The following GPR176 variants were observed in gnomAD, a reference collection of about 807,000 sequenced individuals.
GPR176 encodes the protein G-protein coupled receptor 176.
A neutral mutation model predicts 35.4 loss-of-function variants in GPR176; 26 were observed. The ratio of observed to expected loss-of-function variants is 0.74; its 90% CI spans 0.54 to 1.02. The LOEUF is 1.02. Among genes scored for constraint, GPR176 ranks in the 50% least tolerant of loss-of-function variants. The pLI, the probability that GPR176 is intolerant of heterozygous loss-of-function variation, is 0.00. For synonymous variants in GPR176, 278 were observed against 271.3 expected, an observed-to-expected ratio of 1.02 and a Z score of -0.24; for missense variants, 597 against 665.3, an observed-to-expected ratio of 0.90 and a Z score of 1.13.
At chr15:39,874,206 T>C (rs1287952138) in intron 1 of GPR176, among the ~76,000 whole-genome samples, 1 of 152,188 alleles carries the variant, frequency 6.6e-6, no homozygotes, top group Non-Finnish European at 1.5e-5. Context: ...GGCATCTTTT[T>C]CCAAAATTGA....
chr15:39,919,945 G>A lies in GPR176; in HGVS notation c.82C>T (p.Arg28Cys). The change falls in exon 1 of 3, where the codon CGC becomes TGC. Residue 28 changes from arginine (R) to cysteine (C), a missense_variant. Coordinates refer to ENST00000561100, the MANE Select transcript of GPR176 (RefSeq NM_007223.3). ...ASGAEAAGVN[R>C]SALGEFGEAQ... is the part of the protein sequence containing the mutation. ...TCGCCGAACTCCCCGAGCGCGCTGC[G>A]GTTCACACCCGCAGCCTCGGCGCCG... is the stretch of plus-strand genomic sequence containing the variant. 2.7e-6 allele frequency: 4 copies of A among 1,508,094 alleles called. No individual in the cohort carries two copies. In the African/African-American group the frequency reaches 4.3e-5, roughly 16 times the overall value. The allele number at this position is 1,508,094 out of a possible 1,614,324, so 93.4% of individuals were successfully genotyped here.
At position 39,801,498 on chromosome 15, in the gene GPR176, G is replaced by A. The variant is rs528391782; in HGVS notation, c.1182C>T (p.Tyr394=). The A allele has an allele frequency of 1.2e-6, 2 of 1,614,158 alleles. No homozygotes were observed. Among genetic ancestry groups the A allele is most frequent in the African/African-American group, 1.3e-5 (1 of 75,052 alleles). ...TEDEEESEAK[Y]IGSADFQAKE... ...TGGCCTGGAAGTCAGCTGAGCCAAT[G>A]TACTTGGCCTCACTCTCTTCCTCAT... The change falls in exon 3 of 3, where the codon TAC becomes TAT. Residue 394 remains tyrosine, a synonymous_variant. Transcript: ENST00000561100.
chr15:39,810,136 T>C (rs1899454192), intron 1 of GPR176, among the ~76,000 whole-genome samples: 2 of 138,170 alleles, frequency 1.4e-5, no homozygotes, highest in Non-Finnish European at 3.1e-5. Context: ...TGAGACTCCG[T>C]CTCAAAAAAA....
rs530353462 is a variant in GPR176 at position 39,801,634 on chromosome 15, C to G, written c.1046G>C (p.Ser349Thr). The change falls in exon 3 of 3, where the codon AGT becomes ACT. Residue 349 changes from serine (S) to threonine (T), a missense_variant. Physicochemically the swap from Ser to Thr is moderately conservative, Grantham distance 58. Around this residue, in one of 3 missense-constraint regions of GPR176, gnomAD observed 251 missense variants for 255.4 expected, o/e 0.98. Coordinates refer to ENST00000561100, the MANE Select transcript of GPR176 (RefSeq NM_007223.3). Reference sequence around the variant, plus strand: ...GGCCTCAGCCATGCCACTCCCTGTACTGACCACATTACGGCGACTGTACCG... The same window carrying G: ...GGCCTCAGCCATGCCACTCCCTGTAGTGACCACATTACGGCGACTGTACCG... ...HHRYSRRNVV[S>T]TGSGMAEASL... The G allele has an allele frequency of 1.9e-6, 3 of 1,613,980 alleles. No individual in the cohort carries two copies. The African/African-American group carries it at 4.0e-5, about 22-fold the overall frequency.
At chr15:39,891,197 G>T (rs1002942759) in intron 1 of GPR176, among the ~76,000 whole-genome samples, 1 of 152,044 alleles carries the variant, frequency 6.6e-6, no homozygotes. Context: ...TTAGCAAATA[G>T]ACTAGAGCCT....
At chr15:39,902,040 T>C (rs958285974) in intron 1 of GPR176, among the ~76,000 whole-genome samples, 3 of 152,056 alleles carry the variant, frequency 2.0e-5, no homozygotes, top group Non-Finnish European at 4.4e-5. Context: ...GCCGAGATTG[T>C]GCCACTGCAC....
intron 1 of GPR176, among the ~76,000 whole-genome samples, chr15:39,827,200 G>C (rs1018421296): frequency 3.3e-5 from 5 of 152,214 alleles, no homozygotes; most frequent in Admixed American, 6.5e-5. Flanking sequence ...AGAAATGTAC[G>C]CACATGCAGT....
At chr15:39,822,721 T>C (rs1415066320) in intron 1 of GPR176, among the ~76,000 whole-genome samples, 1 of 152,234 alleles carries the variant, frequency 6.6e-6, no homozygotes, top group African/African-American at 2.4e-5. Context: ...CACCAAAACC[T>C]AAACAATTAA....
chr15:39,824,532 G>A (rs1352242596), intron 1 of GPR176, among the ~76,000 whole-genome samples: 2 of 152,198 alleles, frequency 1.3e-5, no homozygotes, highest in Admixed American at 6.5e-5. Context: ...TTATTATATT[G>A]AGGATTAGTC....
intron 1 of GPR176, among the ~76,000 whole-genome samples, chr15:39,845,775 G>A (rs539314409): frequency 6.6e-6 from 1 of 152,160 alleles, no homozygotes; most frequent in Non-Finnish European, 1.5e-5. Flanking sequence ...AACGAGCTTG[G>A]TGTTCTAGAA....
intron 1 of GPR176, among the ~76,000 whole-genome samples, chr15:39,857,312 C>T (rs966989395): frequency 6.6e-6 from 1 of 152,092 alleles, no homozygotes; most frequent in African/African-American, 2.4e-5. Flanking sequence ...TACAAACATA[C>T]ACAAATGACA....
At chr15:39,875,251 C>T (rs1290637300) in intron 1 of GPR176, among the ~76,000 whole-genome samples, 2 of 152,160 alleles carry the variant, frequency 1.3e-5, no homozygotes, top group East Asian at 3.8e-4. Flanking sequence ...ATGGGAGCCA[C>T]TATCTCGCTT....
At chr15:39,835,886 G>A (rs1161907082) in intron 1 of GPR176, among the ~76,000 whole-genome samples, 1 of 152,184 alleles carries the variant, frequency 6.6e-6, no homozygotes, top group African/African-American at 2.4e-5. Context: ...CTTGAGGCCA[G>A]GAGTTCGATA....
chr15:39,895,232 G>A (rs2033068860), intron 1 of GPR176, among the ~76,000 whole-genome samples: 2 of 142,554 alleles, frequency 1.4e-5, no homozygotes, highest in African/African-American at 5.2e-5. Context: ...GAGGGAGACC[G>A]TGGGGAGAGG....
chr15:39,853,002 A>G (rs1475216541), intron 1 of GPR176, among the ~76,000 whole-genome samples: 2 of 152,306 alleles, frequency 1.3e-5, no homozygotes, highest in Middle Eastern at 3.4e-3. Flanking sequence ...GGAAAACAGT[A>G]TGGAGGTTCC....
In GPR176 at chr15:39,801,068, G is replaced by A. The variant is rs989641246; in HGVS notation, c.*64C>T. 8.9e-6 allele frequency: 12 copies of A among 1,354,708 alleles called. No homozygotes were observed. In the African/African-American group the frequency reaches 1.6e-4, roughly 18 times the overall value. 83.9% of individuals were successfully genotyped at this position (1,354,708 alleles called of 1,614,324 possible). ...GAGATCATACAATCACATGGCCACA[G>A]CATTCCCACACTCTGGTGGGAATAT... On this transcript the variant is annotated 3_prime_UTR_variant, in exon 3 of 3. Coordinates refer to ENST00000561100, the MANE Select transcript of GPR176 (RefSeq NM_007223.3).
intron 2 of GPR176, among the ~76,000 whole-genome samples, chr15:39,805,268 C>T (rs1899118441): frequency 6.6e-6 from 1 of 152,152 alleles, no homozygotes; most frequent in South Asian, 2.1e-4. Flanking sequence ...ATATTCCAGT[C>T]CTGTGCAATG....
intron 1 of GPR176, among the ~76,000 whole-genome samples, chr15:39,886,224 A>C (rs2032669331): frequency 6.6e-6 from 1 of 151,912 alleles, no homozygotes; most frequent in African/African-American, 2.4e-5. Flanking sequence ...CAAGAGTGAA[A>C]TTCTGTCTCA....
intron 1 of GPR176, among the ~76,000 whole-genome samples, chr15:39,878,599 C>T (rs1165678857): frequency 6.6e-6 from 1 of 152,132 alleles, no homozygotes; most frequent in African/African-American, 2.4e-5. Context: ...ATGCAGTTAT[C>T]TCTTAGAGAT....
Sources: gnomAD v4.1 joint callset for allele counts (sites outside exome capture counted in the v4.1 genomes callset) on GRCh38, gnomAD v4.1.1 for gene constraint, gnomAD v4.1.1 regional missense constraint, MANE v1.5 for transcripts, NCBI Gene and HGNC (gene_info 2026-07-23, HGNC 2026-07-21) for gene names.